MYH14: variants seen among roughly 807,000 people sequenced by gnomAD.
MYH14 encodes myosin heavy chain 14.
Under a neutral mutation model 255.5 loss-of-function variants are expected in MYH14, and 123 were observed. The ratio of observed to expected loss-of-function variants is 0.48; its 90% CI spans 0.42 to 0.56. MYH14 has a LOEUF of 0.56. Ranked by LOEUF, MYH14 falls within the 20% of genes least tolerant of loss-of-function variation. The pLI, the probability that MYH14 is intolerant of heterozygous loss-of-function variation, is 0.00. For missense variants in MYH14, 2,423 were observed against 2,802.3 expected, an observed-to-expected ratio of 0.86 and a Z score of 3.06; for synonymous variants, 1,095 against 1,161.2, an observed-to-expected ratio of 0.94 and a Z score of 1.16.
intron 39 of MYH14, among the ~76,000 whole-genome samples, chr19:50,298,853 AG>A (rs1219705508): frequency 6.6e-6 from 1 of 152,194 alleles, no homozygotes; most frequent in Non-Finnish European, 1.5e-5. Context: ...AAGCTGAAGC[AG>A]GTAGATTGCT....
chr19:50,259,315 G>C, intron 19 of MYH14, 50 bp downstream of exon 19: 1 of 1,547,006 alleles, frequency 6.5e-7, no homozygotes, highest in Non-Finnish European at 8.7e-7. Context: ...GGTGGGACCC[G>C]GGTCTGGAAG....
chr19:50,302,013 C>T (rs953304730), intron 40 of MYH14, 144 bp downstream of exon 40: 10 of 702,428 alleles, frequency 1.4e-5, no homozygotes, highest in Non-Finnish European at 2.4e-5. Flanking sequence ...CATGGTGGCT[C>T]ACGCCTGTAA....
intron 21 of MYH14, 42 bp downstream of exon 21, chr19:50,261,677 C>T: frequency 6.5e-7 from 1 of 1,538,578 alleles, no homozygotes; most frequent in Admixed American, 1.8e-5. Flanking sequence ...TTGGCCGAGA[C>T]TGGGTCAGGG....
chr19:50,304,249 A>G (rs1010931479), intron 40 of MYH14, among the ~76,000 whole-genome samples: 10 of 152,222 alleles, frequency 6.6e-5, no homozygotes, highest in Non-Finnish European at 1.3e-4. Context: ...TCAAATTTAT[A>G]TAAGGTTCCC....
intron 33 of MYH14, 118 bp downstream of exon 33, chr19:50,281,960 C>A: frequency 9.0e-7 from 1 of 1,111,518 alleles, no homozygotes; most frequent in Non-Finnish European, 1.3e-6. Context: ...TTGTAGTGGA[C>A]CAGGAAGCAA....
chr19:50,222,479 CA>C (rs542179852), intron 3 of MYH14, among the ~76,000 whole-genome samples: 3,848 of 69,836 alleles, frequency 0.055, 76 homozygotes, highest in African/African-American at 0.15. Flanking sequence ...GACTCCGTCT[CA>C]AAAAAAAAAA....
At chr19:50,277,499 T>C (rs141306802) in intron 29 of MYH14, among the ~76,000 whole-genome samples, 4,046 of 151,826 alleles carry the variant, frequency 0.027, 161 homozygotes, top group African/African-American at 0.087. Flanking sequence ...TCCCAGCTAC[T>C]TGAGAGGCTG....
chr19:50,247,441 C>G (rs2034174493), intron 12 of MYH14, among the ~76,000 whole-genome samples: 2 of 151,860 alleles, frequency 1.3e-5, no homozygotes, highest in Non-Finnish European at 2.9e-5. Context: ...GAGTTTGAGG[C>G]TGCAGCGAGC....
Position 50,310,171 on chromosome 19 carries a change from TTCTC to T in MYH14, c.*400_*403del, listed in dbSNP as rs376379600. 2.5e-3 allele frequency: 607 copies of T among 239,162 alleles called. No individual in the cohort carries two copies. Among genetic ancestry groups the T allele is most frequent in the Middle Eastern group, 0.012 (8 of 686 alleles). 14.8% of individuals were successfully genotyped at this position (239,162 alleles called of 1,614,324 possible). On this transcript the variant is annotated 3_prime_UTR_variant, in exon 43 of 43. Transcript: ENST00000642316. ...AGCCAGTGCAACCCATTCCCTCTGC[TTCTC>T]TCTCTCTCTCTCTCTCTCCCTCCCT...
At chr19:50,302,513 A>C (rs2036523445) in intron 40 of MYH14, among the ~76,000 whole-genome samples, 1 of 145,758 alleles carries the variant, frequency 6.9e-6, no homozygotes, top group African/African-American at 2.6e-5. Context: ...AACTCAGGAG[A>C]TAGAGGTTGC....
intron 39 of MYH14, among the ~76,000 whole-genome samples, chr19:50,298,215 C>T (rs1428118708): frequency 1.3e-5 from 2 of 152,184 alleles, no homozygotes; most frequent in African/African-American, 2.4e-5. Flanking sequence ...CTCTATGCAG[C>T]ATTCCTTCCC....
chr19:50,232,161 T>C, intron 10 of MYH14, 91 bp downstream of exon 10: 1 of 1,523,246 alleles, frequency 6.6e-7, no homozygotes, highest in Admixed American at 1.7e-5. Context: ...TTTGAGCAAG[T>C]GTTTATTGAG....
rs916683079 is a variant in MYH14 at position 50,207,082 on chromosome 19, G to T, written c.-3-3281G>T. On this transcript the variant is annotated intron_variant, in intron 1 of 42. Coordinates refer to ENST00000642316, the MANE Select transcript of MYH14 (RefSeq NM_001145809.2). ...AAAAAAAAAAAAAAAAAAAAAGGCT[G>T]GGCCTGATGGTGCGCACCTGTGGTC... Among the ~76,000 whole-genome samples the T allele has an allele frequency of 7.4e-5, 11 of 149,034 alleles. No individual in the cohort carries two copies. In the South Asian group the frequency reaches 2.4e-3, roughly 32 times the overall value.
chr19:50,217,854 G>A (rs1417401088), intron 3 of MYH14, 83 bp downstream of exon 3: 2 of 1,526,120 alleles, frequency 1.3e-6, no homozygotes, highest in Non-Finnish European at 1.8e-6. Flanking sequence ...CCAGAGTCCA[G>A]GTCAAATGAC....
chr19:50,292,240 T>A (rs1205721306), intron 36 of MYH14, 21 bp from the exon 37 acceptor site: 4 of 1,587,686 alleles, frequency 2.5e-6, no homozygotes, highest in Non-Finnish European at 3.4e-6. Context: ...TGAGCCCATC[T>A]ACCTATTCCG....
In MYH14 at chr19:50,262,891, GCTGA is replaced by G. The variant is rs1358319337; in HGVS notation, c.2586-418_2586-415del. On this transcript the variant is annotated intron_variant, in intron 21 of 42. Coordinates refer to ENST00000642316, the MANE Select transcript of MYH14 (RefSeq NM_001145809.2). Reference sequence around the variant, plus strand: ...TGCACACAGTAGGCATTTTATGATGGCTGACTAAGTGAAAGGAGCTTGGCTTGGT... The same window carrying G: ...TGCACACAGTAGGCATTTTATGATGGCTAAGTGAAAGGAGCTTGGCTTGGT... Among the ~76,000 whole-genome samples the G allele has an allele frequency of 2.6e-5, 4 of 152,210 alleles. No homozygotes were observed. In the East Asian group the frequency reaches 5.8e-4, roughly 22 times the overall value.
At chr19:50,215,413 G>A (rs1449688971) in intron 2 of MYH14, among the ~76,000 whole-genome samples, 2 of 152,186 alleles carry the variant, frequency 1.3e-5, no homozygotes, top group Non-Finnish European at 2.9e-5. Flanking sequence ...CTCCTGGCTG[G>A]CCACCCAGGC....
At chr19:50,265,133 G>A (rs1339776385) in intron 22 of MYH14, among the ~76,000 whole-genome samples, 1 of 152,172 alleles carries the variant, frequency 6.6e-6, no homozygotes, top group Admixed American at 6.5e-5. Flanking sequence ...GCGGCCTGTG[G>A]GCCAGATGGC....
intron 39 of MYH14, among the ~76,000 whole-genome samples, chr19:50,301,379 A>G (rs569073563): frequency 1.1e-4 from 16 of 152,336 alleles, no homozygotes; most frequent in African/African-American, 3.1e-4. Flanking sequence ...AGTAGAATTT[A>G]TGACATTTAA....
Sources: gnomAD v4.1 joint callset for allele counts (sites outside exome capture counted in the v4.1 genomes callset) on GRCh38, gnomAD v4.1.1 for gene constraint, MANE v1.5 for transcripts, NCBI Gene and HGNC (gene_info 2026-07-23, HGNC 2026-07-21) for gene names.